RBFOX1: variants seen among roughly 807,000 people sequenced by gnomAD.
RBFOX1 encodes the protein RNA binding protein fox-1 homolog 1.
A neutral mutation model predicts 57.7 loss-of-function variants in RBFOX1; 8 were observed. The observed-to-expected ratio is 0.14, with a 90% CI of 0.08 to 0.25. The LOEUF is 0.25. RBFOX1 is among the 10% of genes least tolerant of loss of function. The pLI is 1.00. For synonymous variants in RBFOX1, 326 were observed against 222.4 expected (o/e 1.47, Z -4.15); for missense variants, 611 against 548.5 (o/e 1.11, Z -1.14).
chr16:5,711,035 C>G (rs1020283589), intron 3 of RBFOX1, among the ~76,000 whole-genome samples: 2 of 152,126 alleles, frequency 1.3e-5, no homozygotes, highest in African/African-American at 4.8e-5. Flanking sequence ...AGACATGCCT[C>G]TGGACTCCCA....
At chr16:7,126,458 G>A in intron 4 of RBFOX1, 1 of 229,090 alleles carries the variant, frequency 4.4e-6, no homozygotes, top group Non-Finnish European at 9.1e-6. Context: ...GAAGCACAAA[G>A]GCATCGAAGA....
At chr16:6,544,875 C>T (rs557786884) in intron 2 of RBFOX1, among the ~76,000 whole-genome samples, 31 of 152,318 alleles carry the variant, frequency 2.0e-4, no homozygotes, top group Non-Finnish European at 4.1e-4. Context: ...AATCCGTTAC[C>T]TTTGCCCAGT....
chr16:5,699,098 A>C (rs916342653), intron 3 of RBFOX1, among the ~76,000 whole-genome samples: 1 of 149,352 alleles, frequency 6.7e-6, no homozygotes, highest in African/African-American at 2.5e-5. Context: ...AGTGATTCTC[A>C]TGCCTCAGCC....
At chr16:5,674,494 C>T (rs973863913) in intron 3 of RBFOX1, among the ~76,000 whole-genome samples, 3 of 152,144 alleles carry the variant, frequency 2.0e-5, no homozygotes, top group Admixed American at 6.5e-5. Context: ...TGGGACTCTT[C>T]TCTCACATAT....
chr16:6,754,528 C>T (rs561167823), intron 3 of RBFOX1, among the ~76,000 whole-genome samples: 96 of 152,114 alleles, frequency 6.3e-4, no homozygotes, highest in Non-Finnish European at 1.1e-3. Flanking sequence ...TCCCACTGCT[C>T]CCTCCTCTGC....
intron 4 of RBFOX1, among the ~76,000 whole-genome samples, chr16:7,420,166 T>TA (rs1334504056): frequency 6.6e-6 from 1 of 152,118 alleles, no homozygotes; most frequent in East Asian, 1.9e-4. Context: ...CTCTCTCCAG[T>TA]CTAAATATTC....
intron 3 of RBFOX1, among the ~76,000 whole-genome samples, chr16:6,960,973 C>CAAA (rs1168858782): frequency 1.7e-4 from 6 of 36,150 alleles, no homozygotes; most frequent in African/African-American, 3.4e-4. Context: ...ACTGAAAATA[C>CAAA]AAAAAAAAAA....
intron 4 of RBFOX1, among the ~76,000 whole-genome samples, chr16:7,482,786 C>T (rs4787027): frequency 0.4 from 60,118 of 151,642 alleles, 12,630 homozygotes; most frequent in African/African-American, 0.55. Context: ...GCCTACCCAC[C>T]TCTATGTAAA....
At chr16:6,292,622 T>C (rs2077587628) in intron 1 of RBFOX1, among the ~76,000 whole-genome samples, 2 of 152,134 alleles carry the variant, frequency 1.3e-5, no homozygotes, top group Non-Finnish European at 1.5e-5. Flanking sequence ...AGTCAATTTG[T>C]TTTTCACTGT....
intron 11 of RBFOX1, among the ~76,000 whole-genome samples, chr16:7,637,522 T>C (rs1020499433): frequency 2.0e-5 from 3 of 152,222 alleles, no homozygotes; most frequent in African/African-American, 4.8e-5. Context: ...TTTTAGGTAA[T>C]TGATAGAACT....
intron 4 of RBFOX1, among the ~76,000 whole-genome samples, chr16:7,082,138 G>C (rs1248804678): frequency 6.6e-6 from 1 of 152,100 alleles, no homozygotes; most frequent in East Asian, 1.9e-4. Flanking sequence ...CTAATTCCCT[G>C]TTATCTATCT....
intron 4 of RBFOX1, among the ~76,000 whole-genome samples, chr16:7,392,692 G>C (rs1279485895): frequency 1.3e-5 from 2 of 152,140 alleles, no homozygotes; most frequent in Non-Finnish European, 2.9e-5. Flanking sequence ...TAAGCACAAG[G>C]AATTCTGATT....
At chr16:6,752,660 A>G (rs949500089) in intron 3 of RBFOX1, among the ~76,000 whole-genome samples, 7 of 152,212 alleles carry the variant, frequency 4.6e-5, no homozygotes, top group Admixed American at 3.3e-4. Context: ...GAATACCGGT[A>G]ATAACTCTAA....
intron 4 of RBFOX1, among the ~76,000 whole-genome samples, chr16:7,463,119 G>C (rs2059879409): frequency 6.6e-6 from 1 of 152,184 alleles, no homozygotes; most frequent in Non-Finnish European, 1.5e-5. Flanking sequence ...TGTCAGGTAA[G>C]GGCCCACTTT....
intron 4 of RBFOX1, among the ~76,000 whole-genome samples, chr16:6,000,258 G>C (rs1394453847): frequency 6.6e-6 from 1 of 152,174 alleles, no homozygotes; most frequent in African/African-American, 2.4e-5. Flanking sequence ...GAAGTAGTGG[G>C]ACAAACCGTA....
intron 4 of RBFOX1, among the ~76,000 whole-genome samples, chr16:7,265,656 C>G (rs1247246063): frequency 2.6e-5 from 4 of 152,122 alleles, no homozygotes; most frequent in African/African-American, 7.2e-5. Flanking sequence ...GCCATATTGG[C>G]CAGGCCGGTC....
At chr16:7,303,788 TC>T (rs1314058349) in intron 4 of RBFOX1, among the ~76,000 whole-genome samples, 1 of 149,544 alleles carries the variant, frequency 6.7e-6, no homozygotes, top group Non-Finnish European at 1.5e-5. Context: ...TCTCTGTCTC[TC>T]CCCTCCCTCT....
chr16:6,286,602 C>A (rs2076929578), intron 1 of RBFOX1, among the ~76,000 whole-genome samples: 2 of 152,102 alleles, frequency 1.3e-5, no homozygotes, highest in African/African-American at 2.4e-5. Flanking sequence ...GTGGTTGTTA[C>A]TAACTATTTT....
chr16:6,851,366 T>G (rs1329227433), intron 3 of RBFOX1, among the ~76,000 whole-genome samples: 1 of 152,148 alleles, frequency 6.6e-6, no homozygotes, highest in East Asian at 1.9e-4. Context: ...ATTTATAGTT[T>G]TGTCAGATGT....
Sources: allele counts gnomAD v4.1 joint callset (sites outside exome capture counted in the v4.1 genomes callset), GRCh38; gene constraint gnomAD v4.1.1; transcripts MANE v1.5; gene names NCBI Gene and HGNC (gene_info 2026-07-23, HGNC 2026-07-21).